Variants in SLC22A5 observed in about 807,000 individuals in gnomAD.
SLC22A5 encodes the protein solute carrier family 22 member 5.
Under a neutral mutation model 56.7 loss-of-function variants are expected in SLC22A5, and 44 were observed. The ratio of observed to expected loss-of-function variants is 0.78; its 90% CI spans 0.61 to 1.00. The LOEUF is 1.00. Ranked by LOEUF, SLC22A5 falls within the 50% of genes least tolerant of loss-of-function variation. The probability of loss-of-function intolerance (pLI) is 0.00; values close to 1 mark genes in which losing one functional copy is unlikely to be tolerated. For missense variants in SLC22A5, 675 were observed against 723.0 expected, an observed-to-expected ratio of 0.93 and a Z score of 0.76; for synonymous variants, 278 against 292.1, an observed-to-expected ratio of 0.95 and a Z score of 0.49.
chr5:132,376,165 C>G (rs1752132963), intron 1 of SLC22A5: 1 of 152,248 alleles, frequency 6.6e-6, no homozygotes, highest in Admixed American at 6.5e-5. Flanking sequence ...GGCTGGGACC[C>G]AATCTATGTT....
Position 132,394,624 on chromosome 5 carries a change from G to A in SLC22A5, c.*352G>A. 1 of 300,676 alleles carries A rather than the reference G, an allele frequency of 3.3e-6. No homozygotes were observed. The highest frequency in any genetic ancestry group is 6.3e-6 in the Non-Finnish European group (1 of 159,176). The allele number at this position is 300,676 out of a possible 1,614,324, so 18.6% of individuals were successfully genotyped here. ...TGTACATTTTAATTTTAGACTACTT[G>A]AAAAGGCCCCTAATAAGGCTAGAGG... On this transcript the variant is annotated 3_prime_UTR_variant, in exon 10 of 10. Coordinates refer to ENST00000245407, the MANE Select transcript of SLC22A5 (RefSeq NM_003060.4).
chr5:132,384,396 G>A, intron 3 of SLC22A5, 95 bp downstream of exon 3: 13 of 1,281,808 alleles, frequency 1.0e-5, no homozygotes, highest in African/African-American at 1.5e-5. Context: ...GTCCCTCAAG[G>A]GGGACAGGGT....
intron 1 of SLC22A5, among the ~76,000 whole-genome samples, chr5:132,371,549 C>G (rs1463669805): frequency 6.6e-6 from 1 of 152,122 alleles, no homozygotes; most frequent in African/African-American, 2.4e-5. Context: ...TTTTTAGACA[C>G]TGGCACTCTA....
At chr5:132,385,179 G>A (rs1310475492) in intron 3 of SLC22A5, 149 bp from the exon 4 acceptor site, 10 of 750,356 alleles carry the variant, frequency 1.3e-5, no homozygotes, top group Non-Finnish European at 2.1e-5. Flanking sequence ...GACAGGAGGG[G>A]TTCAGAACGC....
chr5:132,383,751 A>C (rs1580883954), intron 2 of SLC22A5: 3 of 265,894 alleles, frequency 1.1e-5, no homozygotes, highest in South Asian at 8.6e-5. Context: ...GAAAATCAGG[A>C]CAAATGTTTC....
intron 1 of SLC22A5, among the ~76,000 whole-genome samples, chr5:132,374,744 G>A (rs1752072313): frequency 6.9e-6 from 1 of 144,362 alleles, no homozygotes. Context: ...ACACAAAGCA[G>A]GGGGTCAGGG....
chr5:132,394,545 A>G lies in SLC22A5; in HGVS notation c.*273A>G. The G allele has an allele frequency of 2.0e-6, 1 of 508,954 alleles. No homozygotes were observed. The allele number at this position is 508,954 out of a possible 1,614,324, so 31.5% of individuals were successfully genotyped here. On this transcript the variant is annotated 3_prime_UTR_variant, in exon 10 of 10. Coordinates refer to ENST00000245407, the MANE Select transcript of SLC22A5 (RefSeq NM_003060.4). ...TGGACTCAGCACCTCCAAAGCAGTTAATTTTTCACTAGAACCAGTGAGATC... is the reference window on the plus strand; with the variant it reads ...TGGACTCAGCACCTCCAAAGCAGTTGATTTTTCACTAGAACCAGTGAGATC...
chr5:132,371,614 A>C (rs1473384293), intron 1 of SLC22A5, among the ~76,000 whole-genome samples: 1 of 152,144 alleles, frequency 6.6e-6, no homozygotes, highest in Admixed American at 6.5e-5. Context: ...GCCCTCATTG[A>C]TAGATAGGCT....
Position 132,395,121 on chromosome 5 carries a change from ATTTG to A in SLC22A5, c.*856_*859del, listed in dbSNP as rs997303811. 6.6e-6 allele frequency: 1 copy of A among 150,586 alleles called. No homozygotes were observed. Among genetic ancestry groups the A allele is most frequent in the Non-Finnish European group, 1.5e-5 (1 of 67,560 alleles). 9.3% of individuals were successfully genotyped at this position (150,586 alleles called of 1,614,324 possible). ...TAATGTGGGTTTTGTTTTATTGTTTATTTGTTTGTTGTTGTATCCTTTTCTCCTT... is the reference window on the plus strand; with the variant it reads ...TAATGTGGGTTTTGTTTTATTGTTTATTTGTTGTTGTATCCTTTTCTCCTT... On this transcript the variant is annotated 3_prime_UTR_variant, in exon 10 of 10. Coordinates refer to ENST00000245407, the MANE Select transcript of SLC22A5 (RefSeq NM_003060.4).
chr5:132,393,539 G>A (rs1037273070), intron 8 of SLC22A5, 137 bp from the exon 9 acceptor site: 2 of 1,073,346 alleles, frequency 1.9e-6, no homozygotes, highest in Non-Finnish European at 2.9e-6. Context: ...ATTCTAATCT[G>A]ACTGCTCAGA....
rs1368157214 is a variant in SLC22A5, at chr5:132,370,275, C to T, written c.303C>T (p.Arg101=). The part of the protein sequence containing the change: ...NFSALGLEPG[R]DVDLGQLEQE... ...CGGCGCTTGGGCTGGAGCCGGGGCG[C>T]GACGTGGACCTGGGGCAGCTGGAGC... Residue 101 remains arginine, a synonymous_variant, in exon 1 of 10, where the codon CGC becomes CGT. Coordinates refer to ENST00000245407, the MANE Select transcript of SLC22A5 (RefSeq NM_003060.4). 6 of 1,599,372 alleles carry T rather than the reference C, an allele frequency of 3.8e-6. No individual in the cohort carries two copies. Among genetic ancestry groups the T allele is most frequent in the Admixed American group, 3.5e-5 (2 of 57,768 alleles).
chr5:132,385,995 A>C (rs932829105), intron 4 of SLC22A5, among the ~76,000 whole-genome samples: 3 of 152,236 alleles, frequency 2.0e-5, no homozygotes, highest in Non-Finnish European at 4.4e-5. Flanking sequence ...AGAGGTGCTA[A>C]GGTGGGAATC....
intron 7 of SLC22A5, among the ~76,000 whole-genome samples, chr5:132,391,654 G>A (rs274552): frequency 6.6e-6 from 1 of 152,016 alleles, no homozygotes; most frequent in East Asian, 1.9e-4. Flanking sequence ...GCCTCACAGA[G>A]CCTTAGCAGG....
chr5:132,390,949 C>T (rs1580892746), intron 7 of SLC22A5, 45 bp downstream of exon 7: 1 of 1,453,268 alleles, frequency 6.9e-7, no homozygotes, highest in South Asian at 1.1e-5. Flanking sequence ...CACTGAGTCT[C>T]TTACTGTCTA....
At position 132,390,697 on chromosome 5, in the gene SLC22A5, A is replaced by G. The variant is rs1166753949; in HGVS notation, c.1060A>G (p.Ile354Val). 1.4e-5 allele frequency: 22 copies of G among 1,612,710 alleles called. No homozygotes were observed. Among genetic ancestry groups the G allele is most frequent in the Non-Finnish European group, 1.7e-5 (20 of 1,178,658 alleles). Residue 354 changes from isoleucine to valine, a missense_variant, in exon 7 of 10, where the codon ATA becomes GTA. Ile to Val is a conservative substitution (Grantham distance 29). Coordinates refer to ENST00000245407, the MANE Select transcript of SLC22A5 (RefSeq NM_003060.4). Reference protein sequence around the residue: ...TIMSIMLWMTISVGYFGLSLD... With the variant: ...TIMSIMLWMTVSVGYFGLSLD... ...TTCTGCACTCTGTTTCAGGATGACC[A>G]TATCAGTGGGCTATTTTGGGCTTTC...
rs72552733 is a variant in SLC22A5, at chr5:132,392,501, G to T, written c.1336G>T (p.Val446Phe). The change falls in exon 8 of 10, where the codon GTC becomes TTC. Residue 446 changes from valine (V) to phenylalanine (F), a missense_variant. Transcript: ENST00000245407. ...TGGAGTCACGGCTGCCTTTTCCATGGTCTACGTGTACACAGCCGAGCTGTA... is the reference window on the plus strand; with the variant it reads ...TGGAGTCACGGCTGCCTTTTCCATGTTCTACGTGTACACAGCCGAGCTGTA... ...KFGVTAAFSM[V>F]YVYTAELYPT... The T allele has an allele frequency of 1.9e-6, 3 of 1,614,056 alleles. No homozygotes were observed. Among genetic ancestry groups the T allele is most frequent in the Non-Finnish European group, 2.5e-6 (3 of 1,180,020 alleles).
rs1449646556 is a variant in SLC22A5, at chr5:132,385,458, G to A, written c.783G>A (p.Val261=). Residue 261 remains valine, a synonymous_variant, in exon 4 of 10, where the codon GTG becomes GTA. Coordinates refer to ENST00000245407, the MANE Select transcript of SLC22A5 (RefSeq NM_003060.4). The part of the protein sequence containing the change: ...YFIRDWRMLL[V]ALTMPGVLCV... ...TCCGAGACTGGCGGATGCTGCTGGT[G>A]GCGCTGACGATGCCGGGGGTGCTAT... 6.2e-7 allele frequency: 1 copy of A among 1,614,186 alleles called. No individual in the cohort carries two copies. Among genetic ancestry groups the A allele is most frequent in the Non-Finnish European group, 8.5e-7 (1 of 1,180,030 alleles).
chr5:132,369,901 C>G lies in SLC22A5; in HGVS notation c.-72C>G. The G allele has an allele frequency of 6.4e-7, 1 of 1,572,086 alleles. No homozygotes were observed. Among genetic ancestry groups the G allele is most frequent in the Non-Finnish European group, 8.6e-7 (1 of 1,162,716 alleles). On this transcript the variant is annotated 5_prime_UTR_variant, in exon 1 of 10. Transcript: ENST00000245407. ...TGGCTTGCCTGGTCGGCGGCGGGTG[C>G]CCCGCGCGCACGCGCAAAGCCCGCC...
chr5:132,379,086 C>A (rs4646304), intron 2 of SLC22A5: 12,221 of 160,136 alleles, frequency 0.076, 611 homozygotes, highest in East Asian at 0.27. Context: ...TTGTATAATT[C>A]TAAAGCTTTT....
Sources: allele counts gnomAD v4.1 joint callset (sites outside exome capture counted in the v4.1 genomes callset), GRCh38; gene constraint gnomAD v4.1.1; transcripts MANE v1.5; gene names NCBI Gene and HGNC (gene_info 2026-07-23, HGNC 2026-07-21).